CADM2: variants seen among roughly 807,000 people sequenced by gnomAD.
The protein encoded by CADM2 is immunoglobulin superfamily member 4D.
In CADM2, 12 loss-of-function variants were observed where a neutral mutation model predicts 49.8. The ratio of observed to expected loss-of-function variants is 0.24; its 90% CI spans 0.15 to 0.39. CADM2 has a LOEUF of 0.39. Among genes scored for constraint, CADM2 ranks in the 10% least tolerant of loss-of-function variants. The pLI is 1.00. For synonymous variants in CADM2, 214 were observed against 175.4 expected (o/e 1.22, Z -1.74); for missense variants, 378 against 492.3 (o/e 0.77, Z 2.20).
At chr3:85,568,734 C>T (rs1484597537) in intron 1 of CADM2, among the ~76,000 whole-genome samples, 1 of 150,088 alleles carries the variant, frequency 6.7e-6, no homozygotes, top group Admixed American at 6.7e-5. Flanking sequence ...TCCCGAGTAG[C>T]TAGGATTACA....
intron 6 of CADM2, among the ~76,000 whole-genome samples, chr3:85,932,144 T>G (rs573334252): frequency 4.6e-5 from 7 of 151,762 alleles, no homozygotes; most frequent in South Asian, 2.1e-4. Context: ...GTGAATTAAT[T>G]TGAAAATTAT....
intron 2 of CADM2, among the ~76,000 whole-genome samples, chr3:85,735,070 C>T (rs1208406876): frequency 6.6e-6 from 1 of 151,596 alleles, no homozygotes; most frequent in Non-Finnish European, 1.5e-5. Context: ...ATAATTCAAT[C>T]ATTTCTTTAC....
intron 8 of CADM2, chr3:86,013,491 A>T (rs1731809303): frequency 6.2e-7 from 1 of 1,603,256 alleles, no homozygotes; most frequent in Admixed American, 1.7e-5. Flanking sequence ...GGTTCTGAGA[A>T]AGCGCTTTGA....
At chr3:85,836,917 A>T (rs2108250552) in intron 3 of CADM2, among the ~76,000 whole-genome samples, 1 of 151,752 alleles carries the variant, frequency 6.6e-6, no homozygotes, top group Admixed American at 6.6e-5. Context: ...AAGTTATTTC[A>T]GGTGGCTTCT....
intron 1 of CADM2, among the ~76,000 whole-genome samples, chr3:85,141,324 A>C (rs1003212856): frequency 2.0e-5 from 3 of 152,216 alleles, no homozygotes; most frequent in Non-Finnish European, 4.4e-5. Context: ...GGATGACAGC[A>C]GTACCCTCCT....
At chr3:85,881,729 T>C (rs1343484055) in intron 3 of CADM2, among the ~76,000 whole-genome samples, 4 of 152,108 alleles carry the variant, frequency 2.6e-5, no homozygotes, top group East Asian at 3.9e-4. Context: ...CTAGGTGAGC[T>C]AAAAAATGCT....
chr3:86,056,886 T>C (rs1273313781), intron 8 of CADM2, among the ~76,000 whole-genome samples: 1 of 152,176 alleles, frequency 6.6e-6, no homozygotes, highest in East Asian at 1.9e-4. Flanking sequence ...AATAAATTTG[T>C]GTTACACTAA....
chr3:85,450,895 A>C (rs2037720534), intron 1 of CADM2, among the ~76,000 whole-genome samples: 1 of 150,974 alleles, frequency 6.6e-6, no homozygotes, highest in Non-Finnish European at 1.5e-5. Context: ...CTAGGCTACT[A>C]AGTCAAATTT....
chr3:85,900,404 T>C (rs1359664001), intron 5 of CADM2, among the ~76,000 whole-genome samples: 1 of 152,138 alleles, frequency 6.6e-6, no homozygotes, highest in African/African-American at 2.4e-5. Context: ...AAATTAAAAA[T>C]CATGCGAGTT....
intron 1 of CADM2, among the ~76,000 whole-genome samples, chr3:85,109,147 GT>G (rs1354047827): frequency 6.6e-6 from 1 of 151,864 alleles, no homozygotes; most frequent in African/African-American, 2.4e-5. Flanking sequence ...CTATAATATA[GT>G]TACTTAAAAA....
chr3:85,209,993 G>T (rs779546482), intron 1 of CADM2, among the ~76,000 whole-genome samples: 1 of 152,106 alleles, frequency 6.6e-6, no homozygotes, highest in Non-Finnish European at 1.5e-5. Context: ...ACCTCCAAAG[G>T]TCATGGAAAT....
Position 85,321,618 on chromosome 3 carries a change from A to G in CADM2, c.61+361950A>G, listed in dbSNP as rs201021713. Among the ~76,000 whole-genome samples the G allele has an allele frequency of 5.9e-5, 9 of 152,320 alleles. No individual in the cohort carries two copies. The East Asian group carries it at 1.7e-3, about 29-fold the overall frequency. Reference sequence around the variant, plus strand: ...CATGTTTTGCTAAAAATATTGAAACAGTATAATTTGATTTTATTAACTTTT... The same window carrying G: ...CATGTTTTGCTAAAAATATTGAAACGGTATAATTTGATTTTATTAACTTTT... On this transcript the variant is annotated intron_variant, in intron 1 of 9. Coordinates refer to ENST00000383699, the MANE Select transcript of CADM2 (RefSeq NM_001167675.2).
chr3:86,034,413 C>T (rs780323940), intron 8 of CADM2, among the ~76,000 whole-genome samples: 13 of 151,936 alleles, frequency 8.6e-5, no homozygotes, highest in African/African-American at 2.2e-4. Context: ...TCACCTTCCA[C>T]GACATGAGGA....
chr3:85,444,059 C>T (rs150413538), intron 1 of CADM2, among the ~76,000 whole-genome samples: 51 of 152,268 alleles, frequency 3.3e-4, no homozygotes, highest in African/African-American at 1.2e-3. Flanking sequence ...GGCCAACCTT[C>T]TCTCTTTCAC....
intron 8 of CADM2, 112 bp from the exon 9 acceptor site, chr3:86,065,493 T>C: frequency 1.9e-6 from 2 of 1,078,710 alleles, no homozygotes; most frequent in Non-Finnish European, 2.6e-6. Flanking sequence ...CACGTTAATG[T>C]ATTATTTAAC....
chr3:85,375,110 C>T (rs1262903491), intron 1 of CADM2, among the ~76,000 whole-genome samples: 2 of 152,086 alleles, frequency 1.3e-5, no homozygotes, highest in African/African-American at 4.8e-5. Context: ...ACATATTTTC[C>T]TATACACTAC....
At chr3:85,748,106 GA>G (rs997576701) in intron 2 of CADM2, among the ~76,000 whole-genome samples, 42 of 151,920 alleles carry the variant, frequency 2.8e-4, no homozygotes, top group Non-Finnish European at 4.0e-4. Flanking sequence ...TATAAATTGA[GA>G]ACTTTTCCCC....
At chr3:85,880,693 A>G (rs997513418) in intron 3 of CADM2, among the ~76,000 whole-genome samples, 2 of 152,164 alleles carry the variant, frequency 1.3e-5, no homozygotes, top group Non-Finnish European at 2.9e-5. Flanking sequence ...GTAATAAGCT[A>G]TTCTCTTGGG....
intron 1 of CADM2, among the ~76,000 whole-genome samples, chr3:85,157,092 G>A (rs1052016447): frequency 6.6e-6 from 1 of 152,124 alleles, no homozygotes; most frequent in African/African-American, 2.4e-5. Flanking sequence ...ATTCACAATT[G>A]CTTCAAAGAG....
Sources: allele counts gnomAD v4.1 joint callset (sites outside exome capture counted in the v4.1 genomes callset), GRCh38; gene constraint gnomAD v4.1.1; transcripts MANE v1.5; gene names NCBI Gene and HGNC (gene_info 2026-07-23, HGNC 2026-07-21).